DCHS2: variants seen among roughly 807,000 people sequenced by gnomAD.
The protein encoded by DCHS2 is dachsous cadherin-related 2, also known as protocadherin-23.
In DCHS2, 142 loss-of-function variants were observed where a neutral mutation model predicts 182.4. The observed-to-expected ratio is 0.78, with a 90% CI of 0.68 to 0.89. The LOEUF (loss-of-function observed/expected upper bound fraction) is 0.89, where lower values mean the gene tolerates loss of function less well. Ranked by LOEUF, DCHS2 falls within the 40% of genes least tolerant of loss-of-function variation. The pLI is 0.00. For synonymous variants in DCHS2, 1,740 were observed against 1,663.3 expected (o/e 1.05, Z -1.12); for missense variants, 4,319 against 4,198.6 (o/e 1.03, Z -0.79).
intron 1 of DCHS2, among the ~76,000 whole-genome samples, chr4:154,401,941 C>G (rs1732201188): frequency 6.6e-6 from 1 of 152,200 alleles, no homozygotes. Context: ...TTGCAGTTAG[C>G]TGAGATCATG....
intron 1 of DCHS2, among the ~76,000 whole-genome samples, chr4:154,411,043 C>T (rs1444239263): frequency 2.0e-5 from 3 of 152,196 alleles, no homozygotes; most frequent in African/African-American, 4.8e-5. Flanking sequence ...ATACGTCCTT[C>T]AGAAATGATG....
At chr4:154,331,774 C>T in intron 5 of DCHS2, 14 of 1,529,442 alleles carry the variant, frequency 9.2e-6, no homozygotes, top group Admixed American at 2.0e-5. Flanking sequence ...GTGTACTACT[C>T]GAGCTATCTG....
intron 7 of DCHS2, chr4:154,323,128 A>AT: frequency 1.4e-6 from 2 of 1,434,606 alleles, no homozygotes; most frequent in South Asian, 2.9e-5. Flanking sequence ...GTATCCTGAC[A>AT]TTTTCCATGA....
chr4:154,378,547 A>AGGAAGGAAGGAAGGAG (rs1731029280), intron 1 of DCHS2, among the ~76,000 whole-genome samples: 1 of 150,952 alleles, frequency 6.6e-6, no homozygotes, highest in African/African-American at 2.4e-5. Context: ...GAAGGAAGGA[A>AGGAAGGAAGGAAGGAG]GGAAGGAAGG....
In DCHS2 at chr4:154,490,813, C is replaced by T. The variant is rs1217667762; in HGVS notation, c.543G>A (p.Pro181=). Residue 181 remains proline, a synonymous_variant, in exon 1 of 20, where the codon CCG becomes CCA. Transcript: ENST00000357232. ...SLQLDVSELS[P]PGTAFRLPVA... Reference sequence around the variant, plus strand: ...CTGGCAGGCGGAAGGCGGTCCCTGGCGGGCTGAGCTCGGAGACGTCGAGTT... The same window carrying T: ...CTGGCAGGCGGAAGGCGGTCCCTGGTGGGCTGAGCTCGGAGACGTCGAGTT... 6 of 1,551,550 alleles carry T rather than the reference C, an allele frequency of 3.9e-6. No individual in the cohort carries two copies. The highest frequency in any genetic ancestry group is 5.2e-6 in the Non-Finnish European group (6 of 1,146,918).
chr4:154,417,204 T>TGTGAGTGAGAGA (rs1560745908), intron 1 of DCHS2, among the ~76,000 whole-genome samples: 2 of 39,476 alleles, frequency 5.1e-5, no homozygotes, highest in African/African-American at 1.9e-4. Flanking sequence ...TGTGTGTGTG[T>TGTGAGTGAGAGA]GAGAGAGAGA....
At chr4:154,449,869 C>A (rs534469554) in intron 1 of DCHS2, among the ~76,000 whole-genome samples, 2 of 152,168 alleles carry the variant, frequency 1.3e-5, no homozygotes, top group Non-Finnish European at 2.9e-5. Flanking sequence ...ATAATTTTAT[C>A]AGTGTCTTCA....
intron 1 of DCHS2, among the ~76,000 whole-genome samples, chr4:154,480,692 T>A (rs568864453): frequency 6.6e-6 from 1 of 152,330 alleles, no homozygotes; most frequent in South Asian, 2.1e-4. Flanking sequence ...AAAGCATGCA[T>A]AAACAATTTA....
At chr4:154,279,592 T>C (rs961723342) in intron 13 of DCHS2, among the ~76,000 whole-genome samples, 3 of 151,952 alleles carry the variant, frequency 2.0e-5, no homozygotes, top group African/African-American at 7.2e-5. Context: ...GCTAGTAAAT[T>C]CTCAAGTACA....
At chr4:154,350,534 C>T (rs1729560732) in intron 3 of DCHS2, among the ~76,000 whole-genome samples, 1 of 152,146 alleles carries the variant, frequency 6.6e-6, no homozygotes, top group Non-Finnish European at 1.5e-5. Flanking sequence ...AGAATCAAGG[C>T]CTTGGCTTAC....
At chr4:154,282,929 C>A (rs1238925896) in intron 13 of DCHS2, among the ~76,000 whole-genome samples, 1 of 151,996 alleles carries the variant, frequency 6.6e-6, no homozygotes, top group South Asian at 2.1e-4. Context: ...AAGCCAGTTA[C>A]AAAAACAAAT....
chr4:154,255,477 G>T, intron 16 of DCHS2, 42 bp downstream of exon 16: 1 of 1,581,838 alleles, frequency 6.3e-7, no homozygotes, highest in Non-Finnish European at 8.6e-7. Flanking sequence ...TCAGTAAGCA[G>T]GCAGAATAAA....
intron 14 of DCHS2, 57 bp downstream of exon 14, chr4:154,269,843 A>T (rs746134864): frequency 7.3e-5 from 114 of 1,564,220 alleles, no homozygotes; most frequent in Non-Finnish European, 9.4e-5. Flanking sequence ...CAAATTTTGC[A>T]GAAATAACAT....
intron 13 of DCHS2, chr4:154,284,338 G>T (rs553604335): frequency 2.6e-5 from 4 of 152,318 alleles, no homozygotes; most frequent in Admixed American, 1.3e-4. Context: ...GGTTGAGCAA[G>T]ATGGCAAAAT....
At chr4:154,404,341 A>G (rs991364738) in intron 1 of DCHS2, among the ~76,000 whole-genome samples, 3 of 152,140 alleles carry the variant, frequency 2.0e-5, no homozygotes, top group African/African-American at 7.2e-5. Context: ...TAGAAATCCT[A>G]TGGTTATTTA....
At chr4:154,443,734 G>A (rs1252132524) in intron 1 of DCHS2, among the ~76,000 whole-genome samples, 1 of 152,086 alleles carries the variant, frequency 6.6e-6, no homozygotes, top group Non-Finnish European at 1.5e-5. Flanking sequence ...TATACAACAT[G>A]CTGTTAGTTC....
chr4:154,246,633 C>T (rs928832313), intron 16 of DCHS2, among the ~76,000 whole-genome samples: 2 of 151,974 alleles, frequency 1.3e-5, no homozygotes, highest in South Asian at 4.1e-4. Context: ...TAAAACAATT[C>T]TAATTAATAC....
chr4:154,296,688 T>C (rs1734939237), intron 13 of DCHS2, among the ~76,000 whole-genome samples: 1 of 152,204 alleles, frequency 6.6e-6, no homozygotes, highest in Non-Finnish European at 1.5e-5. Context: ...TTTTTTGTTT[T>C]CTTAAAAGAA....
chr4:154,391,406 T>C lies in DCHS2; in HGVS notation c.2053-13962A>G, dbSNP rs572889233. 5.7e-6 allele frequency: 8 copies of C among 1,405,084 alleles called. No individual in the cohort carries two copies. In the African/African-American group the frequency reaches 1.2e-4, roughly 20 times the overall value. The allele number at this position is 1,405,084 out of a possible 1,614,324, so 87.0% of individuals were successfully genotyped here. A position where few individuals can be genotyped will look rare whatever the true frequency, so the allele number is the denominator to read the frequency against. The stretch of plus-strand genomic sequence containing the variant: ...TGGAAATACCTCCATGACTTTCCAC[T>C]TGCAGCATAAAGAAAGCGTTCAAAA... On this transcript the variant is annotated intron_variant, in intron 1 of 19. Transcript: ENST00000357232.
Sources: allele counts gnomAD v4.1 joint callset (sites outside exome capture counted in the v4.1 genomes callset), GRCh38; gene constraint gnomAD v4.1.1; transcripts MANE v1.5; gene names NCBI Gene and HGNC (gene_info 2026-07-23, HGNC 2026-07-21).